Variants in PLCXD3 observed in about 807,000 individuals in gnomAD.
The protein encoded by PLCXD3 is phosphatidylinositol specific phospholipase C X domain containing 3, also known as PI-PLC X domain-containing protein 3.
A neutral mutation model predicts 25.5 loss-of-function variants in PLCXD3; 19 were observed. That is an observed-to-expected ratio of 0.75 (90% CI 0.52 to 1.09). The LOEUF is 1.09. Among genes scored for constraint, PLCXD3 ranks in the 50% least tolerant of loss-of-function variants. PLCXD3 has a pLI of 0.00. For missense variants in PLCXD3, 411 were observed against 388.1 expected, an observed-to-expected ratio of 1.06 and a Z score of -0.50; for synonymous variants, 174 against 137.6, an observed-to-expected ratio of 1.26 and a Z score of -1.85.
At chr5:41,471,573 G>T (rs1748158990) in intron 1 of PLCXD3, among the ~76,000 whole-genome samples, 1 of 152,124 alleles carries the variant, frequency 6.6e-6, no homozygotes, top group African/African-American at 2.4e-5. Flanking sequence ...CAAGAAATGT[G>T]AAAGAGGACT....
rs369026346 is a variant in PLCXD3, at chr5:41,327,060, C to T, written c.813-13290G>A. Among the ~76,000 whole-genome samples the T allele has an allele frequency of 1.1e-4, 17 of 152,190 alleles. No homozygotes were observed. The South Asian group carries it at 2.1e-3, about 19-fold the overall frequency. ...AGAAACTAAGGAGGAATTTAAGGACCATTTCACAAAACAGGGGCTATTTGA... is the reference window on the plus strand; with the variant it reads ...AGAAACTAAGGAGGAATTTAAGGACTATTTCACAAAACAGGGGCTATTTGA... On this transcript the variant is annotated intron_variant, in intron 2 of 2. Coordinates refer to ENST00000377801, the MANE Select transcript of PLCXD3 (RefSeq NM_001005473.3).
intron 2 of PLCXD3, among the ~76,000 whole-genome samples, chr5:41,372,000 T>C (rs576760050): frequency 1.1e-4 from 17 of 152,270 alleles, no homozygotes; most frequent in Non-Finnish European, 2.2e-4. Context: ...CTGACTAAAC[T>C]ACACAAATTA....
At chr5:41,337,905 T>C (rs1744030040) in intron 2 of PLCXD3, among the ~76,000 whole-genome samples, 1 of 152,164 alleles carries the variant, frequency 6.6e-6, no homozygotes, top group Non-Finnish European at 1.5e-5. Context: ...TCCCATGATG[T>C]CATCTCTTCA....
At position 41,405,788 on chromosome 5, in the gene PLCXD3, G is replaced by GT. The variant is rs1218303022; in HGVS notation, c.104-23255dup. Among the ~76,000 whole-genome samples the GT allele has an allele frequency of 2.8e-3, 421 of 151,682 alleles. 1 individual carries two copies. Among genetic ancestry groups the GT allele is most frequent in the African/African-American group, 8.0e-3 (331 of 41,366 alleles). ...TTATTTGTTTGTTTTGTTTTGTTTT[G>GT]TTTTGTTTACCATTTCCATTCAAAT... On this transcript the variant is annotated intron_variant, in intron 1 of 2. Transcript: ENST00000377801.
intron 1 of PLCXD3, among the ~76,000 whole-genome samples, chr5:41,432,657 C>T (rs1747145796): frequency 2.0e-5 from 3 of 152,174 alleles, no homozygotes. Context: ...AATGCCTGAG[C>T]ACCCAGAGGA....
chr5:41,445,210 A>C (rs1747466472), intron 1 of PLCXD3, among the ~76,000 whole-genome samples: 1 of 152,204 alleles, frequency 6.6e-6, no homozygotes, highest in Non-Finnish European at 1.5e-5. Flanking sequence ...TGAATTCATA[A>C]CAAGTCTGGT....
intron 2 of PLCXD3, among the ~76,000 whole-genome samples, chr5:41,353,027 T>C (rs1224597133): frequency 6.6e-6 from 1 of 152,046 alleles, no homozygotes; most frequent in Non-Finnish European, 1.5e-5. Flanking sequence ...ATAATCCTCA[T>C]GGCACAGTGA....
At chr5:41,442,095 T>C (rs1747397762) in intron 1 of PLCXD3, among the ~76,000 whole-genome samples, 2 of 152,234 alleles carry the variant, frequency 1.3e-5, no homozygotes, top group South Asian at 4.1e-4. Context: ...TAGACTCTTA[T>C]TGAGATGATT....
chr5:41,505,420 C>A (rs553333119), intron 1 of PLCXD3, among the ~76,000 whole-genome samples: 77 of 151,844 alleles, frequency 5.1e-4, no homozygotes, highest in Non-Finnish European at 9.3e-4. Context: ...TACTGTTTAC[C>A]TTTGATGTTG....
Position 41,407,525 on chromosome 5 carries a change from T to C in PLCXD3, c.104-24991A>G, listed in dbSNP as rs181316911. Among the ~76,000 whole-genome samples, 29 of 152,314 alleles carry C rather than the reference T, an allele frequency of 1.9e-4. No homozygotes were observed. The East Asian group carries it at 5.0e-3, about 26-fold the overall frequency. The stretch of plus-strand genomic sequence containing the variant: ...AAGACCAGCCATTGAGCAGAAAGGA[T>C]CACTTCTTTTTCCTGGCACATAATT... On this transcript the variant is annotated intron_variant, in intron 1 of 2. Coordinates refer to ENST00000377801, the MANE Select transcript of PLCXD3 (RefSeq NM_001005473.3).
At chr5:41,460,158 T>C (rs952182717) in intron 1 of PLCXD3, among the ~76,000 whole-genome samples, 1 of 151,970 alleles carries the variant, frequency 6.6e-6, no homozygotes, top group African/African-American at 2.4e-5. Context: ...ATTTTATGGA[T>C]GCTAGTGTTC....
intron 1 of PLCXD3, among the ~76,000 whole-genome samples, chr5:41,466,128 T>C (rs1038329464): frequency 6.6e-6 from 1 of 152,068 alleles, no homozygotes; most frequent in Non-Finnish European, 1.5e-5. Context: ...AGTCTCCAAA[T>C]AGATTAAAAA....
At chr5:41,371,940 T>G (rs531633765) in intron 2 of PLCXD3, among the ~76,000 whole-genome samples, 52 of 152,176 alleles carry the variant, frequency 3.4e-4, no homozygotes, top group Non-Finnish European at 6.3e-4. Flanking sequence ...TGATATCTCA[T>G]GATATGGTTC....
At chr5:41,406,527 C>T (rs146874305) in intron 1 of PLCXD3, among the ~76,000 whole-genome samples, 90 of 152,272 alleles carry the variant, frequency 5.9e-4, no homozygotes, top group Middle Eastern at 3.4e-3. Flanking sequence ...ATCTTCAACT[C>T]TTGCTTGCCC....
At chr5:41,315,455 A>T (rs577967704) in intron 2 of PLCXD3, among the ~76,000 whole-genome samples, 3 of 152,096 alleles carry the variant, frequency 2.0e-5, no homozygotes, top group African/African-American at 7.2e-5. Flanking sequence ...TGAGAAATAT[A>T]TAACAACTGA....
At chr5:41,425,094 T>C (rs540688422) in intron 1 of PLCXD3, among the ~76,000 whole-genome samples, 1 of 152,148 alleles carries the variant, frequency 6.6e-6, no homozygotes. Context: ...ACTTGGTAAA[T>C]CTTTCTTTTA....
At chr5:41,445,977 G>A (rs1747486058) in intron 1 of PLCXD3, among the ~76,000 whole-genome samples, 1 of 151,836 alleles carries the variant, frequency 6.6e-6, no homozygotes, top group Non-Finnish European at 1.5e-5. Flanking sequence ...CACGAGGTCA[G>A]GGGATCGAGA....
At chr5:41,346,197 T>A (rs993005758) in intron 2 of PLCXD3, among the ~76,000 whole-genome samples, 33 of 152,202 alleles carry the variant, frequency 2.2e-4, no homozygotes, top group African/African-American at 7.5e-4. Flanking sequence ...AGTTTCTAGT[T>A]TACAGAAAAC....
intron 1 of PLCXD3, among the ~76,000 whole-genome samples, chr5:41,382,863 A>G (rs538214785): frequency 6.6e-6 from 1 of 152,240 alleles, no homozygotes; most frequent in East Asian, 1.9e-4. Flanking sequence ...TTAAGTGATC[A>G]TTCATAAAGC....
Sources: allele counts gnomAD v4.1 joint callset (sites outside exome capture counted in the v4.1 genomes callset), GRCh38; gene constraint gnomAD v4.1.1; transcripts MANE v1.5; gene names NCBI Gene and HGNC (gene_info 2026-07-23, HGNC 2026-07-21).